The following NEGR1 variants were observed in gnomAD, a reference collection of about 807,000 sequenced individuals.
NEGR1 encodes neuronal growth regulator 1, also known as IgLON family member 4.
In NEGR1, 10 loss-of-function variants were observed where a neutral mutation model predicts 40.9. The ratio of observed to expected loss-of-function variants is 0.24; its 90% confidence interval spans 0.15 to 0.42. The LOEUF is 0.42. Ranked by LOEUF, NEGR1 falls within the 10% of genes least tolerant of loss-of-function variation. The probability of loss-of-function intolerance (pLI) is 1.00; values close to 1 mark genes in which losing one functional copy is unlikely to be tolerated. For missense variants in NEGR1, 352 were observed against 438.9 expected, an observed-to-expected ratio of 0.80 and a Z score of 1.77; for synonymous variants, 185 against 166.8, an observed-to-expected ratio of 1.11 and a Z score of -0.84.
At chr1:71,760,326 T>G (rs2101699127) in intron 3 of NEGR1, among the ~76,000 whole-genome samples, 1 of 152,324 alleles carries the variant, frequency 6.6e-6, no homozygotes, top group Non-Finnish European at 1.5e-5. Context: ...TTTCTTTCTT[T>G]ATTCAAATCA....
chr1:72,116,888 A>G (rs1228305914), intron 1 of NEGR1, among the ~76,000 whole-genome samples: 3 of 151,766 alleles, frequency 2.0e-5, no homozygotes, highest in Non-Finnish European at 4.4e-5. Context: ...TGATTTTGAT[A>G]ACAAGAATAT....
chr1:71,864,857 G>A (rs1455892476), intron 2 of NEGR1, among the ~76,000 whole-genome samples: 1 of 152,086 alleles, frequency 6.6e-6, no homozygotes, highest in Non-Finnish European at 1.5e-5. Context: ...TGCTGTAGAT[G>A]CACATGGCTT....
intron 2 of NEGR1, among the ~76,000 whole-genome samples, chr1:71,801,256 A>G (rs1420008590): frequency 1.3e-5 from 2 of 152,062 alleles, no homozygotes; most frequent in Non-Finnish European, 2.9e-5. Context: ...TAGTCTCCTG[A>G]TGTTAGAGCA....
At chr1:72,178,405 T>C (rs1011769764) in intron 1 of NEGR1, among the ~76,000 whole-genome samples, 38 of 151,786 alleles carry the variant, frequency 2.5e-4, no homozygotes, top group Non-Finnish European at 7.4e-5. Context: ...CTGTTCTTAG[T>C]GGCACACTGT....
At chr1:71,898,926 GC>G (rs1485831936) in intron 2 of NEGR1, among the ~76,000 whole-genome samples, 1 of 86,154 alleles carries the variant, frequency 1.2e-5, no homozygotes, top group African/African-American at 4.7e-5. Context: ...ATATATATTT[GC>G]AAATATATAT....
At chr1:71,736,867 A>C (rs1361074366) in intron 3 of NEGR1, among the ~76,000 whole-genome samples, 1 of 152,232 alleles carries the variant, frequency 6.6e-6, no homozygotes. Context: ...CAATTAAGAA[A>C]AGCAAAATTC....
intron 6 of NEGR1, among the ~76,000 whole-genome samples, chr1:71,586,898 A>C (rs2101512821): frequency 6.6e-6 from 1 of 152,228 alleles, no homozygotes; most frequent in Non-Finnish European, 1.5e-5. Context: ...CTACAACTGC[A>C]AACCTAATTT....
intron 6 of NEGR1, among the ~76,000 whole-genome samples, chr1:71,450,805 T>G (rs1186419194): frequency 6.6e-6 from 1 of 151,452 alleles, no homozygotes; most frequent in Non-Finnish European, 1.5e-5. Flanking sequence ...CGAGACTCGG[T>G]CTCAGGGAAA....
At position 71,906,958 on chromosome 1, in the gene NEGR1, G is replaced by C. The variant is rs376711887; in HGVS notation, c.409+28121C>G. On this transcript the variant is annotated intron_variant, in intron 2 of 6. Coordinates refer to ENST00000357731, the MANE Select transcript of NEGR1 (RefSeq NM_173808.3). ...TTATTTTTACCTGCAGGATTTTCTT[G>C]CTTTAATTGCTACTGTCACCAGCCA... Among the ~76,000 whole-genome samples, 75 of 152,134 alleles carry C rather than the reference G, an allele frequency of 4.9e-4. No individual in the cohort carries two copies. The South Asian group carries it at 0.014, about 29-fold the overall frequency.
At chr1:71,477,891 AT>A (rs147512739) in intron 6 of NEGR1, among the ~76,000 whole-genome samples, 31,240 of 150,934 alleles carry the variant, frequency 0.21, 3,730 homozygotes, top group East Asian at 0.47. Context: ...TCACTCTTGG[AT>A]TTTTAAAAAA....
intron 6 of NEGR1, among the ~76,000 whole-genome samples, chr1:71,542,204 A>G (rs1392194759): frequency 6.6e-6 from 1 of 151,778 alleles, no homozygotes; most frequent in African/African-American, 2.4e-5. Flanking sequence ...CTTCAGAAGC[A>G]TGAAGCCGGG....
chr1:72,005,477 G>A (rs141726996), intron 1 of NEGR1, among the ~76,000 whole-genome samples: 32 of 151,892 alleles, frequency 2.1e-4, no homozygotes, highest in Non-Finnish European at 2.8e-4. Flanking sequence ...TAAAGAATAC[G>A]GTAAAATAAC....
At chr1:72,096,530 CAT>C (rs1454707945) in intron 1 of NEGR1, among the ~76,000 whole-genome samples, 37 of 150,246 alleles carry the variant, frequency 2.5e-4, no homozygotes, top group Admixed American at 7.3e-4. Flanking sequence ...ATCAGAAAAT[CAT>C]AGTCACTGAA....
intron 1 of NEGR1, among the ~76,000 whole-genome samples, chr1:71,955,067 C>A (rs1243748857): frequency 6.6e-6 from 1 of 152,132 alleles, no homozygotes; most frequent in East Asian, 1.9e-4. Context: ...TCAATTCCAA[C>A]TGAATCCAAA....
chr1:71,781,649 T>C (rs1656722101), intron 2 of NEGR1, among the ~76,000 whole-genome samples: 2 of 152,160 alleles, frequency 1.3e-5, no homozygotes, highest in Admixed American at 1.3e-4. Context: ...GTAACCACAA[T>C]ATTCTGGCAC....
At chr1:71,964,320 G>A (rs1354006722) in intron 1 of NEGR1, among the ~76,000 whole-genome samples, 1 of 152,076 alleles carries the variant, frequency 6.6e-6, no homozygotes, top group Admixed American at 6.6e-5. Flanking sequence ...TGACGAGGCA[G>A]GAATTCTTAG....
At chr1:71,717,865 G>C (rs1654330368) in intron 3 of NEGR1, among the ~76,000 whole-genome samples, 1 of 152,170 alleles carries the variant, frequency 6.6e-6, no homozygotes. Context: ...CATGGAGAAA[G>C]ACAATGCGAA....
intron 2 of NEGR1, among the ~76,000 whole-genome samples, chr1:71,786,936 T>A (rs2101730531): frequency 6.6e-6 from 1 of 152,350 alleles, no homozygotes; most frequent in Non-Finnish European, 1.5e-5. Flanking sequence ...TCTAGCCCAC[T>A]GTGGTGTCAC....
intron 2 of NEGR1, among the ~76,000 whole-genome samples, chr1:71,786,304 T>A (rs1042673829): frequency 6.6e-6 from 1 of 152,156 alleles, no homozygotes; most frequent in Non-Finnish European, 1.5e-5. Context: ...TTTATATAGA[T>A]CCTAGAAATT....
Sources: gnomAD v4.1 joint callset for allele counts (sites outside exome capture counted in the v4.1 genomes callset) on GRCh38, gnomAD v4.1.1 for gene constraint, MANE v1.5 for transcripts, NCBI Gene and HGNC (gene_info 2026-07-23, HGNC 2026-07-21) for gene names.